PRKDC: variants seen among roughly 807,000 people sequenced by gnomAD.
The protein encoded by PRKDC is protein kinase, DNA-activated, catalytic subunit.
In PRKDC, 82 loss-of-function variants were observed where a neutral mutation model predicts 486.9. The ratio of observed to expected loss-of-function variants is 0.17; its 90% CI spans 0.14 to 0.20. The LOEUF (loss-of-function observed/expected upper bound fraction) is 0.20. Among genes scored for constraint, PRKDC ranks in the 10% least tolerant of loss-of-function variants. PRKDC has a pLI of 1.00. For synonymous variants in PRKDC, 1,895 were observed against 1,837.0 expected (o/e 1.03, Z -0.81); for missense variants, 4,504 against 5,038.2 (o/e 0.89, Z 3.21).
Position 47,826,830 on chromosome 8 carries a change from C to A in PRKDC, c.8609G>T (p.Ser2870Ile). The A allele has an allele frequency of 6.3e-7, 1 of 1,596,224 alleles. No individual in the cohort carries two copies. The highest frequency in any genetic ancestry group is 8.5e-7 in the Non-Finnish European group (1 of 1,169,902). Residue 2870 changes from serine to isoleucine, a missense_variant, in exon 63 of 86, where the codon AGC becomes ATC. Ser to Ile is a moderately radical substitution (Grantham distance 142). Transcript: ENST00000314191. ...DISCQHAALL[S>I]LDPAAVSAGC... Reference sequence around the variant, plus strand: ...AGCGCTAACAGCCGCTGGGTCGAGGCTCAGCAGGGCTGCGTGCTGACAGCT... The same window carrying A: ...AGCGCTAACAGCCGCTGGGTCGAGGATCAGCAGGGCTGCGTGCTGACAGCT...
At chr8:47,857,062 C>G (rs1306435146) in intron 49 of PRKDC, 94 bp downstream of exon 49, 8 of 1,321,500 alleles carry the variant, frequency 6.1e-6, no homozygotes, top group Non-Finnish European at 8.0e-6. Flanking sequence ...AACCATAGCA[C>G]AGTCAGTGAG....
rs867696638 is a variant in PRKDC, at chr8:47,886,749, A to G, written c.4573-602T>C. On this transcript the variant is annotated intron_variant, in intron 35 of 85. Transcript: ENST00000314191. ...GTTGCCCAGGCTGGAGTGCAGTGGC[A>G]TGATCATGACTCACTACAGCCTTGA... Among the ~76,000 whole-genome samples the G allele has an allele frequency of 2.0e-5, 3 of 152,138 alleles. No homozygotes were observed. The South Asian group carries it at 6.2e-4, about 31-fold the overall frequency.
At chr8:47,934,125 T>C (rs1377071860) in intron 14 of PRKDC, 35 bp from the exon 15 acceptor site, 1 of 1,581,714 alleles carries the variant, frequency 6.3e-7, no homozygotes, top group South Asian at 1.2e-5. Flanking sequence ...TATGTAGTGA[T>C]GGATTCTCAG....
chr8:47,844,084 A>G (rs534684235), intron 54 of PRKDC, among the ~76,000 whole-genome samples: 14 of 152,390 alleles, frequency 9.2e-5, no homozygotes, highest in African/African-American at 3.4e-4. Flanking sequence ...GGCCCCTCTT[A>G]AAAGCCACGC....
chr8:47,836,723 A>T (rs906279220), intron 57 of PRKDC, among the ~76,000 whole-genome samples, 196 bp from the exon 58 acceptor site: 7 of 152,254 alleles, frequency 4.6e-5, no homozygotes, highest in Admixed American at 2.0e-4. Flanking sequence ...AAACTAGTTA[A>T]CTATCGAGTG....
chr8:47,785,826 T>C (rs2086781587), intron 76 of PRKDC, among the ~76,000 whole-genome samples: 2 of 152,178 alleles, frequency 1.3e-5, no homozygotes, highest in African/African-American at 2.4e-5. Context: ...TGTTCCATTA[T>C]AAGTGACACG....
At position 47,836,441 on chromosome 8, in the gene PRKDC, G is replaced by C. The variant is rs563004191; in HGVS notation, c.7848C>G (p.Leu2616=). The C allele has an allele frequency of 6.8e-6, 11 of 1,612,990 alleles. No individual in the cohort carries two copies. The East Asian group carries it at 2.2e-4, about 33-fold the overall frequency. ...GGGACCCTTCCTGGGTACGGGTCTGGAGAGTGCCCTGGGAGGCCTGGGTCT... is the reference window on the plus strand; with the variant it reads ...GGGACCCTTCCTGGGTACGGGTCTGCAGAGTGCCCTGGGAGGCCTGGGTCT... ...FVETQASQGT[L]QTRTQEGSLS... The change falls in exon 58 of 86, where the codon CTC becomes CTG. Residue 2616 remains leucine, a synonymous_variant. Transcript: ENST00000314191.
intron 16 of PRKDC, 71 bp downstream of exon 16, chr8:47,932,949 C>A: frequency 7.3e-7 from 1 of 1,375,386 alleles, no homozygotes; most frequent in Non-Finnish European, 9.9e-7. Flanking sequence ...GCTATTGTCC[C>A]CTAAATATTT....
At position 47,837,251 on chromosome 8, in the gene PRKDC, G is replaced by A. The variant is rs1336140395; in HGVS notation, c.7722C>T (p.Asn2574=). The A allele has an allele frequency of 2.5e-6, 4 of 1,613,804 alleles. No homozygotes were observed. Among genetic ancestry groups the A allele is most frequent in the Non-Finnish European group, 3.4e-6 (4 of 1,179,872 alleles). Residue 2574 remains asparagine, a synonymous_variant, in exon 57 of 86, where the codon AAC becomes AAT. Coordinates refer to ENST00000314191, the MANE Select transcript of PRKDC (RefSeq NM_006904.7). The part of the protein sequence containing the change: ...EMTSMSPDYP[N]PMFEHPLSEC... ...CTGACAGAGGATGCTCGAACATGGG[G>A]TTTGGATAATCTGGGCTCATGCTGG...
Position 47,885,957 on chromosome 8 carries a change from T to C in PRKDC, c.4763A>G (p.Asp1588Gly). The change falls in exon 36 of 86, where the codon GAT (aspartate) becomes GGT (glycine). Residue 1588 changes from aspartate (D) to glycine (G), a missense_variant. Asp to Gly is a moderately conservative substitution (Grantham distance 94). Transcript: ENST00000314191. Reference sequence around the variant, plus strand: ...AAACTTTGTTACCATTTTGGTATTATCCACTGAAGACTGCATGAGCTCCAA... The same window carrying C: ...AAACTTTGTTACCATTTTGGTATTACCCACTGAAGACTGCATGAGCTCCAA... Reference protein sequence around the residue: ...AVLELMQSSVDNTKMVSAVLN... With the variant: ...AVLELMQSSVGNTKMVSAVLN... 3 of 1,613,050 alleles carry C rather than the reference T, an allele frequency of 1.9e-6. No individual in the cohort carries two copies. The highest frequency in any genetic ancestry group is 2.5e-6 in the Non-Finnish European group (3 of 1,179,218).
Position 47,849,154 on chromosome 8 carries a change from C to A in PRKDC, c.7280G>T (p.Arg2427Ile). The A allele has an allele frequency of 6.2e-7, 1 of 1,613,910 alleles. No individual in the cohort carries two copies. Among genetic ancestry groups the A allele is most frequent in the Non-Finnish European group, 8.5e-7 (1 of 1,179,824 alleles). ...SKDFVQVMRHRDDERQKVCLD... is the reference protein window; with the variant it reads ...SKDFVQVMRHIDDERQKVCLD... Reference sequence around the variant, plus strand: ...AAGAGCAGGGCTAGTGTTCACTCACCTATGTCTCATGACTTGAACGAAGTC... The same window carrying A: ...AAGAGCAGGGCTAGTGTTCACTCACATATGTCTCATGACTTGAACGAAGTC... Residue 2427 changes from arginine to isoleucine, a missense_variant and splice_region_variant, in exon 54 of 86, where the codon AGA (arginine) becomes ATA (isoleucine). Arg to Ile is a moderately conservative substitution (Grantham distance 97). This residue lies in a region of PRKDC where 1,592 missense variants were observed against 1,724.6 expected (regional missense o/e 0.92). Transcript: ENST00000314191.
intron 62 of PRKDC, among the ~76,000 whole-genome samples, chr8:47,827,850 G>T (rs2087770788): frequency 1.3e-5 from 2 of 152,178 alleles, no homozygotes; most frequent in Non-Finnish European, 2.9e-5. Context: ...GAAGCAGAAA[G>T]AATTTGGTGA....
intron 63 of PRKDC, among the ~76,000 whole-genome samples, chr8:47,825,714 G>C (rs1041479017): frequency 1.3e-5 from 2 of 151,994 alleles, no homozygotes; most frequent in African/African-American, 4.8e-5. Flanking sequence ...AAACATACAA[G>C]GTGTCACTTC....
intron 25 of PRKDC, among the ~76,000 whole-genome samples, chr8:47,908,128 T>G (rs1169308567): frequency 6.6e-6 from 1 of 152,250 alleles, no homozygotes; most frequent in East Asian, 1.9e-4. Flanking sequence ...GCACTGTGCC[T>G]GTGTCGCCCC....
chr8:47,908,278 C>A (rs2089829568), intron 25 of PRKDC, among the ~76,000 whole-genome samples: 1 of 152,346 alleles, frequency 6.6e-6, no homozygotes, highest in African/African-American at 2.4e-5. Flanking sequence ...TTTTAAGATA[C>A]ATTCCATCGG....
chr8:47,921,364 C>A (rs2090068078), intron 21 of PRKDC, among the ~76,000 whole-genome samples: 1 of 152,122 alleles, frequency 6.6e-6, no homozygotes, highest in African/African-American at 2.4e-5. Context: ...GTGCAGCATG[C>A]CAACTGGAAG....
At chr8:47,812,180 C>T (rs994442874) in intron 68 of PRKDC, among the ~76,000 whole-genome samples, 5 of 152,154 alleles carry the variant, frequency 3.3e-5, no homozygotes, top group African/African-American at 1.2e-4. Context: ...GACAATTCTA[C>T]AATCATAGGA....
At chr8:47,929,005 A>T (rs1410687076) in intron 19 of PRKDC, 87 bp downstream of exon 19, 14 of 1,107,084 alleles carry the variant, frequency 1.3e-5, no homozygotes, top group Non-Finnish European at 1.6e-5. Context: ...TCTTAAAATA[A>T]TTATTTATGA....
chr8:47,859,003 CCAGGAGAGCAGAGGGTA>C lies in PRKDC; in HGVS notation c.6208-34_6208-18del. 1 of 1,610,872 alleles carries C rather than the reference CCAGGAGAGCAGAGGGTA, an allele frequency of 6.2e-7. No homozygotes were observed. Among genetic ancestry groups the C allele is most frequent in the Non-Finnish European group, 8.5e-7 (1 of 1,179,764 alleles). On this transcript the variant is annotated intron_variant, in intron 46 of 85. Coordinates refer to ENST00000314191, the MANE Select transcript of PRKDC (RefSeq NM_006904.7). Reference sequence around the variant, plus strand: ...CCGCTGCTCCTGCGAAAGGGAGGGCCCAGGAGAGCAGAGGGTACAGTTAACATTCAGTGGACAAGGCA... The same window carrying C: ...CCGCTGCTCCTGCGAAAGGGAGGGCCCAGTTAACATTCAGTGGACAAGGCA...
Sources: gnomAD v4.1 joint callset for allele counts (sites outside exome capture counted in the v4.1 genomes callset) on GRCh38, gnomAD v4.1.1 for gene constraint, gnomAD v4.1.1 regional missense constraint, MANE v1.5 for transcripts, NCBI Gene and HGNC (gene_info 2026-07-23, HGNC 2026-07-21) for gene names.